Variants in PLXNB2 observed in about 807,000 individuals in gnomAD.
PLXNB2 encodes plexin B2, also known as plexin-B2.
Under a neutral mutation model 202.6 loss-of-function variants are expected in PLXNB2, and 85 were observed. The observed-to-expected ratio is 0.42, with a 90% CI of 0.35 to 0.50. The LOEUF is 0.50. PLXNB2 is among the 20% of genes least tolerant of loss of function. PLXNB2 has a pLI of 0.02. For synonymous variants in PLXNB2, 1,239 were observed against 1,137.6 expected, an observed-to-expected ratio of 1.09 and a Z score of -1.79; for missense variants, 2,063 against 2,586.2, an observed-to-expected ratio of 0.80 and a Z score of 4.39.
At chr22:50,300,165 C>CA (rs1219381581) in intron 1 of PLXNB2, 4 of 677,398 alleles carry the variant, frequency 5.9e-6, no homozygotes, top group Admixed American at 6.3e-5. Context: ...CAAACCTCAC[C>CA]AGGCCGGGGG....
At chr22:50,283,014 G>A (rs368156622) in intron 17 of PLXNB2, 36 bp downstream of exon 17, 11 of 1,590,992 alleles carry the variant, frequency 6.9e-6, no homozygotes, top group South Asian at 1.1e-5. Context: ...CCAGGGCCAG[G>A]GCCAACCAGA....
rs766161309 is a variant in PLXNB2 at position 50,281,943 on chromosome 22, C to T, written c.3256G>A (p.Ala1086Thr). The T allele has an allele frequency of 1.9e-6, 3 of 1,613,036 alleles. No individual in the cohort carries two copies. Among genetic ancestry groups the T allele is most frequent in the South Asian group, 1.1e-5 (1 of 91,092 alleles). ...TCAGGCACGTACTCGAAGGCCCCGGCCTCTGTTCTGAGCAGGGCACGGTGC... is the reference window on the plus strand; with the variant it reads ...TCAGGCACGTACTCGAAGGCCCCGGTCTCTGTTCTGAGCAGGGCACGGTGC... ...DGHRALLRTE[A>T]GAFEYVPDPT... Residue 1086 changes from alanine to threonine, a missense_variant, in exon 20 of 37, where the codon GCC becomes ACC. By Grantham distance (58) the Ala-to-Thr change is moderately conservative (BLOSUM62 0). Transcript: ENST00000359337.
At chr22:50,287,481 C>T (rs1452787560) in intron 7 of PLXNB2, among the ~76,000 whole-genome samples, 186 bp downstream of exon 7, 3 of 152,164 alleles carry the variant, frequency 2.0e-5, no homozygotes, top group South Asian at 2.1e-4. Context: ...CACCCCTGCC[C>T]GCCCAGGTCA....
At chr22:50,277,385 G>A (rs946246985) in intron 33 of PLXNB2, among the ~76,000 whole-genome samples, 3 of 152,148 alleles carry the variant, frequency 2.0e-5, no homozygotes, top group Non-Finnish European at 4.4e-5. Context: ...AGAGGTCTCA[G>A]GAGGAGAGAG....
In PLXNB2 at chr22:50,279,681, G is replaced by A. The variant is rs2065854342; in HGVS notation, c.4338C>T (p.Tyr1446=). ...PVDAVQKKAK[Y]TLNDTGLLGD... is the part of the protein sequence containing the mutation. ...CCAGCAGCCCCGTGTCGTTGAGAGT[G>A]TACTTGGCCTTCTTCTGTACCGCAT... is the stretch of plus-strand genomic sequence containing the variant. Residue 1446 remains tyrosine, a synonymous_variant, in exon 27 of 37, where the codon TAC becomes TAT. Coordinates refer to ENST00000359337, the MANE Select transcript of PLXNB2 (RefSeq NM_012401.4). 2.5e-6 allele frequency: 4 copies of A among 1,613,976 alleles called. No homozygotes were observed. The East Asian group carries it at 6.7e-5, about 27-fold the overall frequency.
chr22:50,287,266 T>C lies in PLXNB2; in HGVS notation c.1609-2A>G. 1 of 1,502,740 alleles carries C rather than the reference T, an allele frequency of 6.7e-7. No individual in the cohort carries two copies. Among genetic ancestry groups the C allele is most frequent in the Non-Finnish European group, 8.9e-7 (1 of 1,121,416 alleles). 93.1% of individuals were successfully genotyped at this position (1,502,740 alleles called of 1,614,324 possible). A position where few individuals can be genotyped will look rare whatever the true frequency, so the allele number is the denominator to read the frequency against. Reference sequence around the variant, plus strand: ...GAGGGGGCTGACGGTCAGCTGCACCTGAGGGAGGGGCCGTGCCGCTCACAC... The same window carrying C: ...GAGGGGGCTGACGGTCAGCTGCACCCGAGGGAGGGGCCGTGCCGCTCACAC... On this transcript the variant is annotated splice_acceptor_variant, in intron 7 of 36. Transcript: ENST00000359337. LOFTEE classifies it high-confidence loss of function.
chr22:50,280,714 G>GGGCCCCCCC, intron 24 of PLXNB2, 30 bp downstream of exon 24: 19 of 1,528,806 alleles, frequency 1.2e-5, no homozygotes, highest in Non-Finnish European at 1.6e-5. Context: ...CCACCTGTGT[G>GGGCCCCCCC]CCCTCCCGCC....
At position 50,290,301 on chromosome 22, in the gene PLXNB2, T is replaced by C. The variant is rs768254955; in HGVS notation, c.284A>G (p.Asn95Ser). 4 of 1,612,048 alleles carry C rather than the reference T, an allele frequency of 2.5e-6. No homozygotes were observed. In the Admixed American group the frequency reaches 5.0e-5, roughly 20 times the overall value. The change falls in exon 3 of 37, where the codon AAT becomes AGT. Residue 95 changes from asparagine (N) to serine (S), a missense_variant. By Grantham distance (46) the Asn-to-Ser change is conservative. This residue lies in a region of PLXNB2 where 1,303 missense variants were observed against 1,476.8 expected (regional missense o/e 0.88). Transcript: ENST00000359337. ...GTCGAGCAGCAGCAGCTGGTTGACA[T>C]TGTCAGTCATCTCAGCCTCATGGCA... The part of the protein sequence containing the change: ...SQCHEAEMTD[N>S]VNQLLLLDPP...
At chr22:50,281,792 T>C (rs1330728310) in intron 20 of PLXNB2, 50 bp from the exon 21 acceptor site, 1 of 1,572,242 alleles carries the variant, frequency 6.4e-7, no homozygotes, top group Non-Finnish European at 8.6e-7. Flanking sequence ...CAGGGACAGG[T>C]GGACCAGCTC....
intron 27 of PLXNB2, 140 bp downstream of exon 27, chr22:50,279,490 A>C: frequency 1.2e-6 from 1 of 839,284 alleles, no homozygotes; most frequent in Non-Finnish European, 1.9e-6. Flanking sequence ...CCTGAGGCCG[A>C]GTTAGAGCAG....
Position 50,275,522 on chromosome 22 carries a change from T to G in PLXNB2, c.*182A>C. 1.5e-6 allele frequency: 1 copy of G among 665,194 alleles called. No homozygotes were observed. Among genetic ancestry groups the G allele is most frequent in the Non-Finnish European group, 2.8e-6 (1 of 361,182 alleles). 41.2% of individuals were successfully genotyped at this position (665,194 alleles called of 1,614,324 possible). ...CTGGTGCTGGTGCGGTGCCCGGCGGTATTGCTCAGAGGAAGATGCTACAGT... is the reference window on the plus strand; with the variant it reads ...CTGGTGCTGGTGCGGTGCCCGGCGGGATTGCTCAGAGGAAGATGCTACAGT... On this transcript the variant is annotated 3_prime_UTR_variant, in exon 37 of 37. Transcript: ENST00000359337.
chr22:50,287,269 G>A lies in PLXNB2; in HGVS notation c.1609-5C>T, dbSNP rs1326109107. The stretch of plus-strand genomic sequence containing the variant: ...GGGGCTGACGGTCAGCTGCACCTGA[G>A]GGAGGGGCCGTGCCGCTCACACTGG... On this transcript the variant is annotated splice_region_variant and splice_polypyrimidine_tract_variant and intron_variant, in intron 7 of 36. Transcript: ENST00000359337. 5.3e-6 allele frequency: 8 copies of A among 1,497,440 alleles called. No individual in the cohort carries two copies. Among genetic ancestry groups the A allele is most frequent in the Middle Eastern group, 1.7e-4 (1 of 5,746 alleles). The allele number at this position is 1,497,440 out of a possible 1,614,324, so 92.8% of individuals were successfully genotyped here. A position where few individuals can be genotyped will look rare whatever the true frequency, so the allele number is the denominator to read the frequency against.
intron 1 of PLXNB2, among the ~76,000 whole-genome samples, chr22:50,299,004 AGGGCAGGCCCAGCTTGGG>A (rs1196656082): frequency 6.6e-6 from 1 of 152,218 alleles, no homozygotes; most frequent in Non-Finnish European, 1.5e-5. Context: ...GCCCAGTGGG[AGGGCAGGCCCAGCTTGGG>A]GGCTGCTCTT....
At chr22:50,307,311 G>A (rs1296755904) in intron 1 of PLXNB2, among the ~76,000 whole-genome samples, 1 of 151,212 alleles carries the variant, frequency 6.6e-6, no homozygotes, top group Non-Finnish European at 1.5e-5. Context: ...GGGACGCGCA[G>A]CCCCCGCCGC....
In PLXNB2 at chr22:50,284,041, C is replaced by T; in HGVS notation, c.2264-51G>A. 2.6e-6 allele frequency: 4 copies of T among 1,522,916 alleles called. No individual in the cohort carries two copies. Among genetic ancestry groups the T allele is most frequent in the South Asian group, 1.2e-5 (1 of 82,562 alleles). The allele number at this position is 1,522,916 out of a possible 1,614,324, so 94.3% of individuals were successfully genotyped here. On this transcript the variant is annotated intron_variant, in intron 13 of 36. Transcript: ENST00000359337. This position sits in a 1 kb window ranked among gnomAD's most constrained non-coding sequence, Gnocchi z 8.0. ...TCACCCCGTGCCTGCCCGCCCCCGA[C>T]CTGCTCCCCACTGCGCCCACCTGTC...
intron 2 of PLXNB2, among the ~76,000 whole-genome samples, chr22:50,293,447 G>A (rs918078141): frequency 4.6e-5 from 7 of 152,190 alleles, no homozygotes; most frequent in East Asian, 1.9e-4. Flanking sequence ...GCCAGCGGGG[G>A]CAGGCAACGT....
chr22:50,290,871 G>C (rs973782667), intron 2 of PLXNB2, among the ~76,000 whole-genome samples: 5 of 152,200 alleles, frequency 3.3e-5, no homozygotes, highest in Non-Finnish European at 7.3e-5. Flanking sequence ...TCCCGGAGGT[G>C]CTGAAAACAC....
In PLXNB2 at chr22:50,282,760, G is replaced by A. The variant is rs201751886; in HGVS notation, c.2938C>T (p.Arg980Cys). The A allele has an allele frequency of 4.8e-5, 78 of 1,612,576 alleles. No individual in the cohort carries two copies. The highest frequency in any genetic ancestry group is 4.4e-5 in the Non-Finnish European group (52 of 1,179,576). Residue 980 changes from arginine to cysteine, a missense_variant, in exon 18 of 37, where the codon CGC becomes TGC. Transcript: ENST00000359337. ...VPNPGIFFTY[R>C]ENPVLRAFEP... The stretch of plus-strand genomic sequence containing the variant: ...AAGGCTCGCAGTACGGGGTTTTCGC[G>A]GTAGGTGAAGAAGATGCCGGGGTTG...
rs373860676 is a variant in PLXNB2 at position 50,282,000 on chromosome 22, A to G, written c.3199T>C (p.Tyr1067His). Residue 1067 changes from tyrosine (Y) to histidine (H), a missense_variant, in exon 20 of 37, where the codon TAC (tyrosine) becomes CAC (histidine). Physicochemically the swap from Tyr to His is moderately conservative, Grantham distance 83. Coordinates refer to ENST00000359337, the MANE Select transcript of PLXNB2 (RefSeq NM_012401.4). The part of the protein sequence containing the change: ...SPAVPEEPEA[Y>H]NLTVLIEMDG... ...ATCTCGATCAGCACCGTGAGGTTGT[A>G]GGCCTCTGGCTCCTCAGGCACAGCC... is the stretch of plus-strand genomic sequence containing the variant. The G allele has an allele frequency of 3.1e-6, 5 of 1,613,036 alleles. No individual in the cohort carries two copies. The African/African-American group carries it at 6.7e-5, about 21-fold the overall frequency.
Sources: allele counts gnomAD v4.1 joint callset (sites outside exome capture counted in the v4.1 genomes callset), GRCh38; gene constraint gnomAD v4.1.1; regional missense constraint gnomAD v4.1.1; non-coding constraint Gnocchi (gnomAD v3.1); transcripts MANE v1.5; gene names NCBI Gene and HGNC (gene_info 2026-07-23, HGNC 2026-07-21).